HAUS8: variants seen among roughly 807,000 people sequenced by gnomAD.
HAUS8 encodes the protein HAUS augmin-like complex subunit 8.
A neutral mutation model predicts 42.9 loss-of-function variants in HAUS8; 38 were observed. The ratio of observed to expected loss-of-function variants is 0.89; its 90% CI spans 0.68 to 1.16. The LOEUF is 1.16. Among genes scored for constraint, HAUS8 ranks in the 50% most tolerant of loss-of-function variants. The probability of loss-of-function intolerance (pLI) is 0.00; values close to 1 mark genes in which losing one functional copy is unlikely to be tolerated. For missense variants in HAUS8, 494 were observed against 511.6 expected, an observed-to-expected ratio of 0.97 and a Z score of 0.33; for synonymous variants, 199 against 205.8, an observed-to-expected ratio of 0.97 and a Z score of 0.28.
chr19:17,071,763 G>A (rs546443084), intron 2 of HAUS8, among the ~76,000 whole-genome samples: 3 of 152,208 alleles, frequency 2.0e-5, no homozygotes, highest in Admixed American at 2.0e-4. Context: ...TTGGGAGGCC[G>A]AGGTGGACGG....
intron 4 of HAUS8, among the ~76,000 whole-genome samples, chr19:17,060,977 GAA>G: frequency 6.6e-6 from 1 of 152,306 alleles, no homozygotes; most frequent in East Asian, 1.9e-4. Context: ...ACCTGGAAAT[GAA>G]AAGAGGAAGG....
chr19:17,055,192 A>ATATATATAT (rs1568635000), intron 9 of HAUS8: 2 of 78,552 alleles, frequency 2.5e-5, no homozygotes, highest in African/African-American at 6.1e-5. Flanking sequence ...ATATATATAT[A>ATATATATAT]AGCCAGGTGT....
intron 3 of HAUS8, 87 bp from the exon 4 acceptor site, chr19:17,062,866 A>G: frequency 1.0e-6 from 1 of 956,780 alleles, no homozygotes; most frequent in Non-Finnish European, 1.7e-6. Context: ...TGTGTTTCGT[A>G]ACTGCTCTTA....
rs758934485 is a variant in HAUS8 at position 17,059,625 on chromosome 19, G to C, written c.352C>G (p.Gln118Glu). ...NDKSIVKKTP[Q>E]LAKTISKKPE... is the part of the protein sequence containing the mutation. ...TTCTTTGATATTGTTTTTGCTAACT[G>C]TGGCGTCTTTTTGACGATGCTTTTG... is the stretch of plus-strand genomic sequence containing the variant. The change falls in exon 6 of 11, where the codon CAG (glutamine) becomes GAG (glutamate). Residue 118 changes from glutamine to glutamate, a missense_variant. Transcript: ENST00000253669. The C allele has an allele frequency of 1.2e-6, 2 of 1,613,820 alleles. No individual in the cohort carries two copies. Among genetic ancestry groups the C allele is most frequent in the South Asian group, 1.1e-5 (1 of 91,040 alleles).
In HAUS8 at chr19:17,055,988, G is replaced by A; in HGVS notation, c.660C>T (p.Ser220=). The A allele has an allele frequency of 6.2e-7, 1 of 1,614,086 alleles. No homozygotes were observed. The highest frequency in any genetic ancestry group is 2.2e-5 in the East Asian group (1 of 44,882). Reference sequence around the variant, plus strand: ...AGCGTGTGGCCACTGCCTCGAAGGGGCTGAGCATCTCGATCTGTAAGCAGA... The same window carrying A: ...AGCGTGTGGCCACTGCCTCGAAGGGACTGAGCATCTCGATCTGTAAGCAGA... ...DVLDAQIEML[S]PFEAVATRFK... is the part of the protein sequence containing the mutation. The change falls in exon 9 of 11, where the codon AGC becomes AGT. Residue 220 remains serine, a synonymous_variant. Transcript: ENST00000253669.
At chr19:17,056,773 T>G (rs1050705680) in intron 8 of HAUS8, among the ~76,000 whole-genome samples, 5 of 151,882 alleles carry the variant, frequency 3.3e-5, no homozygotes, top group African/African-American at 9.7e-5. Flanking sequence ...GTATTTTTAG[T>G]AGAGACGGGG....
At chr19:17,060,388 T>G in intron 4 of HAUS8, 1 of 306,366 alleles carries the variant, frequency 3.3e-6, no homozygotes, top group Non-Finnish European at 6.1e-6. Flanking sequence ...CGATGCCATA[T>G]TCCCATTCTA....
chr19:17,052,944 CA>C lies in HAUS8; in HGVS notation c.809del (p.Val270GlyfsTer25). ...QLLDALQHELVTTQRLLGELD... is the reference protein window; with the variant it reads ...QLLDALQHELXTTQRLLGELD... ...GTTCTCCCAGGAGGCGCTGAGTGGT[CA>C]CCAGTTCATGCTGCAGGGCGTCTGG... is the stretch of plus-strand genomic sequence containing the variant. On this transcript the variant is annotated frameshift_variant, in exon 10 of 11. Transcript: ENST00000253669. LOFTEE classifies it high-confidence loss of function. The C allele has an allele frequency of 6.2e-7, 1 of 1,614,186 alleles. No individual in the cohort carries two copies. Among genetic ancestry groups the C allele is most frequent in the Non-Finnish European group, 8.5e-7 (1 of 1,180,048 alleles).
In HAUS8 at chr19:17,055,853, T is replaced by C. The variant is rs777618659; in HGVS notation, c.787+8A>G. On this transcript the variant is annotated splice_region_variant and intron_variant, in intron 9 of 10. Transcript: ENST00000253669. ...GCTGCACACGCACTGGGACGCCCCG[T>C]TTCCTACCTAAGAGCTGCTGCCCAT... The C allele has an allele frequency of 1.2e-6, 2 of 1,612,594 alleles. No homozygotes were observed. Among genetic ancestry groups the C allele is most frequent in the East Asian group, 4.5e-5 (2 of 44,856 alleles).
At chr19:17,060,737 T>C (rs1307586718) in intron 4 of HAUS8, among the ~76,000 whole-genome samples, 1 of 152,182 alleles carries the variant, frequency 6.6e-6, no homozygotes. Context: ...TTTCTGCAGC[T>C]TCTGGACTGT....
intron 8 of HAUS8, among the ~76,000 whole-genome samples, chr19:17,058,021 G>C (rs117755679): frequency 6.6e-6 from 1 of 152,356 alleles, no homozygotes; most frequent in East Asian, 1.9e-4. Flanking sequence ...CGGACTTTCA[G>C]CTTCCTGAAC....
intron 9 of HAUS8, 135 bp from the exon 10 acceptor site, chr19:17,053,101 A>C (rs531468644): frequency 5.2e-5 from 51 of 981,336 alleles, no homozygotes; most frequent in Admixed American, 4.0e-4. Flanking sequence ...CACAGGGAAG[A>C]AGCAGAAGCC....
At chr19:17,056,819 G>A (rs1222201600) in intron 8 of HAUS8, among the ~76,000 whole-genome samples, 1 of 151,884 alleles carries the variant, frequency 6.6e-6, no homozygotes, top group Admixed American at 6.6e-5. Flanking sequence ...TCAAACTCCT[G>A]ACCTCAAGTA....
At chr19:17,060,421 T>C (rs2057353566) in intron 4 of HAUS8, among the ~76,000 whole-genome samples, 1 of 152,156 alleles carries the variant, frequency 6.6e-6, no homozygotes, top group African/African-American at 2.4e-5. Context: ...TTTCCACCTT[T>C]TTTGTTTTTG....
intron 2 of HAUS8, among the ~76,000 whole-genome samples, chr19:17,071,108 T>G (rs970217094): frequency 6.7e-6 from 1 of 150,300 alleles, no homozygotes; most frequent in Non-Finnish European, 1.5e-5. Flanking sequence ...ATCGGTGCCA[T>G]AGAGCTCAGA....
intron 2 of HAUS8, among the ~76,000 whole-genome samples, chr19:17,071,696 T>G (rs1002119466): frequency 6.6e-6 from 1 of 152,178 alleles, no homozygotes; most frequent in Non-Finnish European, 1.5e-5. Flanking sequence ...AGGATACAAC[T>G]GTTTATTTTA....
chr19:17,069,261 A>G (rs1035348245), intron 2 of HAUS8, among the ~76,000 whole-genome samples, 175 bp from the exon 3 acceptor site: 4 of 152,206 alleles, frequency 2.6e-5, no homozygotes, highest in African/African-American at 9.6e-5. Context: ...GGCAGCCTCA[A>G]GCATGCATGG....
At chr19:17,069,910 C>G (rs1032801852) in intron 2 of HAUS8, among the ~76,000 whole-genome samples, 7 of 152,074 alleles carry the variant, frequency 4.6e-5, no homozygotes, top group Admixed American at 2.6e-4. Context: ...TGCATTCCCC[C>G]GGCCCTGTGA....
In HAUS8 at chr19:17,062,733, C is replaced by T. The variant is rs2057368227; in HGVS notation, c.194G>A (p.Gly65Asp). Residue 65 changes from glycine (G) to aspartate (D), a missense_variant, in exon 4 of 11, where the codon GGT becomes GAT. Coordinates refer to ENST00000253669, the MANE Select transcript of HAUS8 (RefSeq NM_033417.2). ...CTGGAGCAGGCTGGATTTCCTTCCA[C>T]CTTCAGACATCTTCCCTCGGGTCTG... Reference protein sequence around the residue: ...GSQTRGKMSEGGRKSSLLQKS... With the variant: ...GSQTRGKMSEDGRKSSLLQKS... The T allele has an allele frequency of 6.2e-7, 1 of 1,614,182 alleles. No homozygotes were observed. The highest frequency in any genetic ancestry group is 8.5e-7 in the Non-Finnish European group (1 of 1,180,018).
Sources: allele counts gnomAD v4.1 joint callset (sites outside exome capture counted in the v4.1 genomes callset), GRCh38; gene constraint gnomAD v4.1.1; transcripts MANE v1.5; gene names NCBI Gene and HGNC (gene_info 2026-07-23, HGNC 2026-07-21).